The following GPHN variants were observed in gnomAD, a reference collection of about 807,000 sequenced individuals.
GPHN encodes the protein gephyrin.
A neutral mutation model predicts 95.5 loss-of-function variants in GPHN; 17 were observed. The observed-to-expected ratio is 0.18, with a 90% CI of 0.12 to 0.27. GPHN has a LOEUF of 0.27. Ranked by LOEUF, GPHN falls within the 10% of genes least tolerant of loss-of-function variation. The pLI is 1.00. For synonymous variants in GPHN, 320 were observed against 322.5 expected (o/e 0.99, Z 0.08); for missense variants, 660 against 978.1 (o/e 0.67, Z 4.34).
the GPHN span, among the ~76,000 whole-genome samples, chr14:67,373,344 A>G: frequency 6.6e-6 from 1 of 152,328 alleles, no homozygotes; most frequent in Non-Finnish European, 1.5e-5. Context: ...TTTTTAATGA[A>G]AAAGAATGCT....
At chr14:66,740,064 G>GC (rs1293276945) in intron 2 of GPHN, among the ~76,000 whole-genome samples, 16 of 152,050 alleles carry the variant, frequency 1.1e-4, no homozygotes, top group African/African-American at 3.9e-4. Context: ...AAATTATTGA[G>GC]AATTTATCAC....
chr14:67,210,705 C>T, the GPHN span, among the ~76,000 whole-genome samples: 1 of 151,622 alleles, frequency 6.6e-6, no homozygotes, highest in Non-Finnish European at 1.5e-5. Flanking sequence ...GACAGTTTAA[C>T]ACAGCCAATA....
chr14:66,650,369 C>T (rs1328263658), intron 1 of GPHN, among the ~76,000 whole-genome samples: 1 of 152,158 alleles, frequency 6.6e-6, no homozygotes. Context: ...AAATGTGTCT[C>T]CACTGAGACC....
chr14:67,419,409 G>C, the GPHN span, among the ~76,000 whole-genome samples: 12 of 152,210 alleles, frequency 7.9e-5, no homozygotes, highest in East Asian at 2.3e-3. Flanking sequence ...CCCTACCTAA[G>C]AGCACCATTT....
chr14:66,975,341 G>C (rs2070139959), intron 9 of GPHN, among the ~76,000 whole-genome samples: 1 of 152,144 alleles, frequency 6.6e-6, no homozygotes. Context: ...AGTATATGCA[G>C]AACTTTTAGG....
At chr14:67,650,487 T>C in the GPHN span, 1 of 557,180 alleles carries the variant, frequency 1.8e-6, no homozygotes, top group African/African-American at 1.9e-5. Flanking sequence ...GATGGTTTAT[T>C]TCATTATCTT....
At chr14:66,656,711 C>G (rs1353851113) in intron 1 of GPHN, among the ~76,000 whole-genome samples, 4 of 152,088 alleles carry the variant, frequency 2.6e-5, no homozygotes, top group African/African-American at 9.7e-5. Flanking sequence ...GTTACTCATA[C>G]AATTGTTTTG....
At chr14:67,265,782 G>T in the GPHN span, among the ~76,000 whole-genome samples, 4 of 150,428 alleles carry the variant, frequency 2.7e-5, no homozygotes, top group Non-Finnish European at 4.4e-5. Flanking sequence ...ACTTGAACCC[G>T]GGAGGTGGCA....
At chr14:66,697,773 T>C (rs8018195) in intron 2 of GPHN, among the ~76,000 whole-genome samples, 46,481 of 150,774 alleles carry the variant, frequency 0.31, 10,951 homozygotes, top group African/African-American at 0.63. Context: ...CTGCTGCTTC[T>C]GCCTCCCAGG....
the GPHN span, among the ~76,000 whole-genome samples, chr14:67,411,803 TC>T: frequency 6.6e-6 from 1 of 152,252 alleles, no homozygotes; most frequent in Admixed American, 6.5e-5. Context: ...AGTGGGATTC[TC>T]CTCCTTGCCT....
At chr14:67,354,515 A>G in the GPHN span, among the ~76,000 whole-genome samples, 1 of 152,220 alleles carries the variant, frequency 6.6e-6, no homozygotes, top group Admixed American at 6.5e-5. Flanking sequence ...GGTTTAAAAG[A>G]TGGGTACTCC....
At chr14:66,913,117 A>G (rs973700045) in intron 5 of GPHN, among the ~76,000 whole-genome samples, 1 of 152,138 alleles carries the variant, frequency 6.6e-6, no homozygotes. Flanking sequence ...TGTATGATGC[A>G]TATGTTTCTG....
chr14:67,713,849 C>T, the GPHN span, among the ~76,000 whole-genome samples: 7 of 152,168 alleles, frequency 4.6e-5, no homozygotes, highest in East Asian at 1.9e-4. Flanking sequence ...AGGGACAACT[C>T]GAAGCAGGGA....
At chr14:66,775,018 T>C (rs940522766) in intron 2 of GPHN, among the ~76,000 whole-genome samples, 6 of 152,172 alleles carry the variant, frequency 3.9e-5, no homozygotes, top group African/African-American at 1.4e-4. Flanking sequence ...TACGTTCTTT[T>C]TTTTTTCTTT....
the GPHN span, among the ~76,000 whole-genome samples, chr14:67,717,000 T>C: frequency 1.3e-5 from 2 of 152,226 alleles, no homozygotes; most frequent in South Asian, 4.1e-4. Context: ...GTGAAATGCC[T>C]GTTTTACTTC....
chr14:67,562,173 C>T, the GPHN span: 1 of 1,611,146 alleles, frequency 6.2e-7, no homozygotes. Context: ...CTGCTGGTGC[C>T]CCCCTACGGA....
At chr14:66,532,814 C>T (rs2058997721) in intron 1 of GPHN, among the ~76,000 whole-genome samples, 1 of 152,212 alleles carries the variant, frequency 6.6e-6, no homozygotes, top group Non-Finnish European at 1.5e-5. Flanking sequence ...AACTTCCCTT[C>T]TCCACTTTGG....
chr14:67,451,875 G>T, the GPHN span, among the ~76,000 whole-genome samples: 4 of 152,166 alleles, frequency 2.6e-5, no homozygotes, highest in African/African-American at 9.7e-5. Context: ...GGAATGATAT[G>T]GTTTGGCTCT....
At chr14:67,251,538 C>CA in the GPHN span, among the ~76,000 whole-genome samples, 208 of 149,924 alleles carry the variant, frequency 1.4e-3, 7 homozygotes, top group South Asian at 0.042. Flanking sequence ...GAACCTGTCT[C>CA]AAAAAAAAAG....
Sources: gnomAD v4.1 joint callset for allele counts (sites outside exome capture counted in the v4.1 genomes callset) on GRCh38, gnomAD v4.1.1 for gene constraint, MANE v1.5 for transcripts, NCBI Gene and HGNC (gene_info 2026-07-23, HGNC 2026-07-21) for gene names.